Variants in IL26 observed in about 807,000 individuals in gnomAD.
The protein encoded by IL26 is interleukin-26.
Under a neutral mutation model 21.7 loss-of-function variants are expected in IL26, and 23 were observed. The ratio of observed to expected loss-of-function variants is 1.06; its 90% confidence interval spans 0.76 to 1.50. The LOEUF is 1.50. IL26 is among the 40% of genes most tolerant of loss of function. IL26 has a pLI of 0.00. For synonymous variants in IL26, 63 were observed against 67.8 expected (o/e 0.93, Z 0.34); for missense variants, 204 against 196.0 (o/e 1.04, Z -0.24).
rs1868399164 is a variant in IL26, at chr12:68,201,910, T to G, written c.451A>C (p.Lys151Gln). The G allele has an allele frequency of 4.4e-6, 7 of 1,602,900 alleles. No individual in the cohort carries two copies. Among genetic ancestry groups the G allele is most frequent in the Non-Finnish European group, 5.9e-6 (7 of 1,176,670 alleles). ...AGAATATCCAGTTCACTGATGGCTT[T>G]GTAGATTCCTTTGTTTCCAATCTGC... is the stretch of plus-strand genomic sequence containing the variant. The part of the protein sequence containing the change: ...FYRIGNKGIY[K>Q]AISELDILLS... The change falls in exon 5 of 5, where the codon AAA becomes CAA. Residue 151 changes from lysine (K) to glutamine (Q), a missense_variant. Coordinates refer to ENST00000229134, the MANE Select transcript of IL26 (RefSeq NM_018402.2).
chr12:68,213,263 G>A (rs1206478096), intron 3 of IL26, among the ~76,000 whole-genome samples: 1 of 151,974 alleles, frequency 6.6e-6, no homozygotes, highest in Non-Finnish European at 1.5e-5. Flanking sequence ...TCAATGTGTT[G>A]TTGAATTTGG....
At position 68,201,388 on chromosome 12, in the gene IL26, G is replaced by A. The variant is rs895865553; in HGVS notation, c.*457C>T. On this transcript the variant is annotated 3_prime_UTR_variant, in exon 5 of 5. Transcript: ENST00000229134. ...ATTTATTTAATTAAAATCAAAATGTGTTAAGTACTAAGTTCACACTGGGCA... is the reference window on the plus strand; with the variant it reads ...ATTTATTTAATTAAAATCAAAATGTATTAAGTACTAAGTTCACACTGGGCA... The A allele has an allele frequency of 2.0e-5, 3 of 153,064 alleles. No individual in the cohort carries two copies. Among genetic ancestry groups the A allele is most frequent in the African/African-American group, 7.2e-5 (3 of 41,422 alleles). The allele number at this position is 153,064 out of a possible 1,614,324, so 9.5% of individuals were successfully genotyped here.
At chr12:68,217,992 A>G (rs767538873) in intron 3 of IL26, among the ~76,000 whole-genome samples, 1 of 152,150 alleles carries the variant, frequency 6.6e-6, no homozygotes, top group Non-Finnish European at 1.5e-5. Context: ...TGTTGCTTCA[A>G]TGAGTGGCAA....
At position 68,225,795 on chromosome 12, in the gene IL26, C is replaced by T. The variant is rs555666799; in HGVS notation, c.-39G>A. ...ACTCAGCGTGTGTCACTCACAGCAG[C>T]CCAAGAGATACTAATGCCGGTTAGA... On this transcript the variant is annotated 5_prime_UTR_variant, in exon 1 of 5. Coordinates refer to ENST00000229134, the MANE Select transcript of IL26 (RefSeq NM_018402.2). 7 of 1,603,750 alleles carry T rather than the reference C, an allele frequency of 4.4e-6. No homozygotes were observed. In the African/African-American group the frequency reaches 6.7e-5, roughly 15 times the overall value.
chr12:68,211,528 T>A (rs764386502), intron 3 of IL26, among the ~76,000 whole-genome samples: 1 of 152,210 alleles, frequency 6.6e-6, no homozygotes. Flanking sequence ...CCACCAACAG[T>A]GTGCCAGGGT....
intron 3 of IL26, among the ~76,000 whole-genome samples, chr12:68,214,936 ACTG>A (rs1437364021): frequency 7.0e-6 from 1 of 142,704 alleles, no homozygotes; most frequent in African/African-American, 2.6e-5. Context: ...CTTCCTTTCT[ACTG>A]TCTTCTGTGG....
rs1242819751 is a variant in IL26 at position 68,202,017 on chromosome 12, C to T, written c.429+1G>A. ...TTAATATAAGGATTTAGAATTCTTA[C>T]CCTATAAAATATTCTTTTCATCCTG... On this transcript the variant is annotated splice_donor_variant, in intron 4 of 4. Coordinates refer to ENST00000229134, the MANE Select transcript of IL26 (RefSeq NM_018402.2). LOFTEE classifies it high-confidence loss of function. 1.9e-6 allele frequency: 3 copies of T among 1,565,604 alleles called. No homozygotes were observed. Among genetic ancestry groups the T allele is most frequent in the Non-Finnish European group, 1.7e-6 (2 of 1,149,154 alleles).
rs561549586 is a variant in IL26 at position 68,225,236 on chromosome 12, G to A, written c.276C>T (p.Asp92=). ...QEQLLSFFME[D]VFGQLQLQGC... ...CTTGCAATTGCAGTTGACCAAAAAC[G>A]TCTTCCATGAAGAAGGACAGAAGCT... is the stretch of plus-strand genomic sequence containing the variant. The change falls in exon 3 of 5, where the codon GAC becomes GAT. Residue 92 remains aspartate (D), a synonymous_variant. Coordinates refer to ENST00000229134, the MANE Select transcript of IL26 (RefSeq NM_018402.2). The A allele has an allele frequency of 1.1e-5, 17 of 1,613,660 alleles. 1 individual carries two copies. The highest frequency in any genetic ancestry group is 4.4e-5 in the South Asian group (4 of 90,940).
intron 2 of IL26, 68 bp downstream of exon 2, chr12:68,225,376 T>G: frequency 6.6e-7 from 1 of 1,523,616 alleles, no homozygotes; most frequent in Non-Finnish European, 8.9e-7. Flanking sequence ...TGAAAAAAAT[T>G]TAAATGCAGG....
At chr12:68,210,421 A>G (rs1225375290) in intron 3 of IL26, among the ~76,000 whole-genome samples, 2 of 150,274 alleles carry the variant, frequency 1.3e-5, no homozygotes, top group South Asian at 4.2e-4. Context: ...AAAACTACTG[A>G]CACCAGAAAG....
chr12:68,204,280 A>T (rs1868471492), intron 3 of IL26, among the ~76,000 whole-genome samples: 1 of 151,364 alleles, frequency 6.6e-6, no homozygotes, highest in Non-Finnish European at 1.5e-5. Context: ...AACAGCTGGG[A>T]ATACAGGCGC....
At chr12:68,201,976 T>TA in intron 4 of IL26, 42 bp downstream of exon 4, 1 of 1,556,684 alleles carries the variant, frequency 6.4e-7, no homozygotes, top group East Asian at 2.3e-5. Flanking sequence ...TTTCCTATTT[T>TA]AAAAAACAAA....
intron 3 of IL26, among the ~76,000 whole-genome samples, chr12:68,204,829 G>A (rs1296001762): frequency 6.6e-6 from 1 of 152,162 alleles, no homozygotes; most frequent in Non-Finnish European, 1.5e-5. Flanking sequence ...TCTTTATACT[G>A]TTGTAAATGT....
At chr12:68,218,936 G>T (rs1245589454) in intron 3 of IL26, among the ~76,000 whole-genome samples, 1 of 151,890 alleles carries the variant, frequency 6.6e-6, no homozygotes, top group African/African-American at 2.4e-5. Flanking sequence ...TCAGGACAAA[G>T]AATATTATTA....
At chr12:68,205,485 T>C (rs565439584) in intron 3 of IL26, among the ~76,000 whole-genome samples, 1 of 152,204 alleles carries the variant, frequency 6.6e-6, no homozygotes, top group African/African-American at 2.4e-5. Context: ...AAGAAAATCA[T>C]AAGGAAGAGA....
intron 3 of IL26, among the ~76,000 whole-genome samples, chr12:68,220,535 C>T (rs1333749627): frequency 6.6e-6 from 1 of 152,064 alleles, no homozygotes; most frequent in Non-Finnish European, 1.5e-5. Context: ...TTTTTCATGA[C>T]CTTTGTGTTA....
chr12:68,215,963 C>T (rs1210205560), intron 3 of IL26, among the ~76,000 whole-genome samples: 1 of 150,150 alleles, frequency 6.7e-6, no homozygotes, highest in East Asian at 2.0e-4. Flanking sequence ...GGATTACAGG[C>T]ATGAGCCACC....
Position 68,209,196 on chromosome 12 carries a change from G to A in IL26, c.364-7113C>T, listed in dbSNP as rs114171838. 9.3e-4 allele frequency among the ~76,000 whole-genome samples: 142 copies of A among 152,270 alleles called. 1 individual carries two copies. Among genetic ancestry groups the A allele is most frequent in the African/African-American group, 3.1e-3 (127 of 41,550 alleles). On this transcript the variant is annotated intron_variant, in intron 3 of 4. Transcript: ENST00000229134. ...CCCAACACCGGGTCGTGGGGGCAAC[G>A]AAGTCCAGTGGAGTCAAAGGAATGA...
intron 4 of IL26, 30 bp downstream of exon 4, chr12:68,201,988 T>A (rs768439665): frequency 1.3e-6 from 2 of 1,542,588 alleles, no homozygotes; most frequent in South Asian, 1.2e-5. Flanking sequence ...AAAAACAAAG[T>A]TTTTTAATAT....
Sources: gnomAD v4.1 joint callset for allele counts (sites outside exome capture counted in the v4.1 genomes callset) on GRCh38, gnomAD v4.1.1 for gene constraint, MANE v1.5 for transcripts, NCBI Gene and HGNC (gene_info 2026-07-23, HGNC 2026-07-21) for gene names.